Variants in OR4N2 observed in about 807,000 individuals in gnomAD.
OR4N2 encodes the protein olfactory receptor 4N2.
For missense variants in OR4N2, 307 were observed against 377.6 expected, an observed-to-expected ratio of 0.81 and a Z score of 1.55; for synonymous variants, 141 against 140.4, an observed-to-expected ratio of 1.00 and a Z score of -0.03.
intron 1 of OR4N2, among the ~76,000 whole-genome samples, chr14:19,809,753 G>A (rs1489008940): frequency 2.0e-5 from 3 of 152,214 alleles, no homozygotes; most frequent in South Asian, 2.1e-4. Flanking sequence ...AATAGGGAAA[G>A]GACTTTCTAT....
chr14:19,810,118 T>C (rs1310688987), intron 1 of OR4N2, among the ~76,000 whole-genome samples: 2 of 152,256 alleles, frequency 1.3e-5, no homozygotes, highest in South Asian at 2.1e-4. Flanking sequence ...AAAGGTCTAA[T>C]ATCCAGAATC....
chr14:19,820,024 A>G (rs1188839984), intron 1 of OR4N2, among the ~76,000 whole-genome samples: 1 of 152,274 alleles, frequency 6.6e-6, no homozygotes, highest in Non-Finnish European at 1.5e-5. Flanking sequence ...ATGCTGCAGA[A>G]CAGCAAAGAT....
intron 1 of OR4N2, among the ~76,000 whole-genome samples, chr14:19,819,707 T>A (rs1253340089): frequency 6.6e-6 from 1 of 152,262 alleles, no homozygotes; most frequent in Non-Finnish European, 1.5e-5. Flanking sequence ...AAACTCATTC[T>A]CCATCCAGTT....
intron 1 of OR4N2, among the ~76,000 whole-genome samples, chr14:19,815,258 CA>C: frequency 6.6e-6 from 1 of 152,388 alleles, no homozygotes; most frequent in Non-Finnish European, 1.5e-5. Context: ...CTGTCTTCCA[CA>C]ATGGTTGAAC....
chr14:19,818,113 G>C (rs1362838051), intron 1 of OR4N2, among the ~76,000 whole-genome samples: 27 of 152,184 alleles, frequency 1.8e-4, no homozygotes, highest in Admixed American at 4.6e-4. Flanking sequence ...CCAAGTATGT[G>C]GTCAATTTTA....
intron 1 of OR4N2, among the ~76,000 whole-genome samples, chr14:19,806,346 A>C (rs1784463235): frequency 6.7e-6 from 1 of 149,750 alleles, no homozygotes. Context: ...TATGTAATGA[A>C]ACCCACAGGG....
At chr14:19,804,429 T>G (rs1879114166) in intron 1 of OR4N2, among the ~76,000 whole-genome samples, 1 of 152,224 alleles carries the variant, frequency 6.6e-6, no homozygotes, top group Non-Finnish European at 1.5e-5. Context: ...TTCAAAGAAT[T>G]TCTTGACTTC....
At position 19,827,498 on chromosome 14, in the gene OR4N2, T is replaced by C. The variant is rs758404884; in HGVS notation, c.50T>C (p.Leu17Pro). ...TVIREFILLG[L>P]TQSQDIQLLV... is the part of the protein sequence containing the mutation. ...ATAAGAGAATTCATCCTCCTTGGTC[T>C]GACCCAGTCTCAAGATATTCAGCTC... Residue 17 changes from leucine to proline, a missense_variant, in exon 2 of 2, where the codon CTG becomes CCG. Transcript: ENST00000557677. 113 of 1,612,424 alleles carry C rather than the reference T, an allele frequency of 7.0e-5. No individual in the cohort carries two copies. In the Middle Eastern group the frequency reaches 2.8e-3, roughly 40 times the overall value.
At chr14:19,805,528 G>A (rs1182609284) in intron 1 of OR4N2, among the ~76,000 whole-genome samples, 1 of 152,120 alleles carries the variant, frequency 6.6e-6, no homozygotes, top group Non-Finnish European at 1.5e-5. Flanking sequence ...AATTAACACT[G>A]TGAGACAAAA....
chr14:19,809,670 C>A (rs370089699), intron 1 of OR4N2, among the ~76,000 whole-genome samples: 19 of 152,310 alleles, frequency 1.2e-4, no homozygotes, highest in African/African-American at 4.6e-4. Flanking sequence ...ACCAATGGAA[C>A]ATAATGAGAG....
chr14:19,804,204 C>A (rs1319076441), intron 1 of OR4N2, among the ~76,000 whole-genome samples: 1 of 151,790 alleles, frequency 6.6e-6, no homozygotes, highest in Non-Finnish European at 1.5e-5. Flanking sequence ...TCTTTCAGTT[C>A]AGCTCTGATT....
chr14:19,826,251 A>C (rs1465527564), intron 1 of OR4N2, among the ~76,000 whole-genome samples: 3 of 152,262 alleles, frequency 2.0e-5, no homozygotes, highest in Non-Finnish European at 4.4e-5. Flanking sequence ...TTTTCTTCAC[A>C]ATGCACATTG....
Position 19,824,916 on chromosome 14 carries a change from T to C in OR4N2, c.-9-2524T>C, listed in dbSNP as rs528697841. Among the ~76,000 whole-genome samples, 8 of 152,378 alleles carry C rather than the reference T, an allele frequency of 5.3e-5. No individual in the cohort carries two copies. In the East Asian group the frequency reaches 1.3e-3, roughly 26 times the overall value. ...TAAGTTTTTAGGGAATCAAGGTATG[T>C]GCTAATTTTTTATTGCACAGGGGGT... On this transcript the variant is annotated intron_variant, in intron 1 of 1. Coordinates refer to ENST00000557677, the MANE Select transcript of OR4N2 (RefSeq NM_001004723.3).
intron 1 of OR4N2, among the ~76,000 whole-genome samples, chr14:19,808,302 T>G (rs1879214923): frequency 6.6e-6 from 1 of 152,322 alleles, no homozygotes; most frequent in African/African-American, 2.4e-5. Flanking sequence ...CTATTTCTAT[T>G]CACTGATGAT....
At chr14:19,808,230 C>T (rs1879212754) in intron 1 of OR4N2, among the ~76,000 whole-genome samples, 1 of 152,132 alleles carries the variant, frequency 6.6e-6, no homozygotes, top group African/African-American at 2.4e-5. Flanking sequence ...GAAGTCCTAG[C>T]CATAGCAATT....
chr14:19,806,590 C>T (rs1174446380), intron 1 of OR4N2, among the ~76,000 whole-genome samples: 3 of 152,256 alleles, frequency 2.0e-5, no homozygotes, highest in African/African-American at 7.2e-5. Flanking sequence ...TCTTGGCCTA[C>T]CAAAAGACTT....
chr14:19,808,829 A>AC (rs1879228264), intron 1 of OR4N2, among the ~76,000 whole-genome samples: 1 of 151,622 alleles, frequency 6.6e-6, no homozygotes, highest in South Asian at 2.1e-4. Flanking sequence ...TATTGAAAAA[A>AC]AAAAGTAAAA....
chr14:19,825,356 T>C (rs1186370387), intron 1 of OR4N2, among the ~76,000 whole-genome samples: 4 of 152,206 alleles, frequency 2.6e-5, no homozygotes, highest in East Asian at 1.9e-4. Context: ...TATATAGATG[T>C]GCTGTCTGTC....
intron 1 of OR4N2, among the ~76,000 whole-genome samples, chr14:19,815,056 T>G (rs1173702787): frequency 2.0e-5 from 3 of 152,268 alleles, no homozygotes; most frequent in Non-Finnish European, 4.4e-5. Context: ...CCCATTTTCT[T>G]TATCCAGTCT....
Sources: gnomAD v4.1 joint callset for allele counts (sites outside exome capture counted in the v4.1 genomes callset) on GRCh38, gnomAD v4.1.1 for gene constraint, MANE v1.5 for transcripts, NCBI Gene and HGNC (gene_info 2026-07-23, HGNC 2026-07-21) for gene names.